Variants in CALCRL observed in about 807,000 individuals in gnomAD.
The protein encoded by CALCRL is calcitonin receptor like receptor, also known as calcitonin gene-related peptide type 1 receptor.
Under a neutral mutation model 60.4 loss-of-function variants are expected in CALCRL, and 27 were observed. The observed-to-expected ratio is 0.45, with a 90% CI of 0.33 to 0.62. CALCRL has a LOEUF of 0.62. CALCRL is among the 20% of genes least tolerant of loss of function. The pLI is 0.03. For missense variants in CALCRL, 424 were observed against 540.7 expected (o/e 0.78, Z 2.14); for synonymous variants, 190 against 182.6 (o/e 1.04, Z -0.33).
chr2:187,365,167 G>C (rs1201876470), intron 8 of CALCRL, among the ~76,000 whole-genome samples: 2 of 152,164 alleles, frequency 1.3e-5, no homozygotes, highest in Non-Finnish European at 2.9e-5. Context: ...AAATGCCACA[G>C]CAGTGACATA....
intron 8 of CALCRL, among the ~76,000 whole-genome samples, chr2:187,378,273 T>C (rs1320914577): frequency 6.6e-6 from 1 of 152,068 alleles, no homozygotes; most frequent in African/African-American, 2.4e-5. Context: ...AATTCTATGA[T>C]TATATATATG....
chr2:187,423,912 A>G (rs1690010174), intron 1 of CALCRL, among the ~76,000 whole-genome samples: 1 of 152,030 alleles, frequency 6.6e-6, no homozygotes, highest in African/African-American at 2.4e-5. Context: ...TTCTTTATAG[A>G]TAAGGGGCTC....
chr2:187,401,943 A>AGAAGGAAGGAAGAAAGGAAGAAGG (rs1437378498), intron 1 of CALCRL, among the ~76,000 whole-genome samples: 3 of 151,338 alleles, frequency 2.0e-5, no homozygotes. Flanking sequence ...AATCAAGGAA[A>AGAAGGAAGGAAGAAAGGAAGAAGG]GAAGGAAGGA....
chr2:187,368,840 C>A (rs1216024476), intron 8 of CALCRL, among the ~76,000 whole-genome samples: 1 of 152,098 alleles, frequency 6.6e-6, no homozygotes, highest in Non-Finnish European at 1.5e-5. Context: ...CCCTGTCAAT[C>A]TGAACACTGC....
chr2:187,420,236 A>G (rs138418958), intron 1 of CALCRL, among the ~76,000 whole-genome samples: 135 of 152,268 alleles, frequency 8.9e-4, no homozygotes, highest in African/African-American at 2.8e-3. Flanking sequence ...TGTCTTTCAT[A>G]TCAAGTATTA....
chr2:187,426,247 T>A (rs1227534478), intron 1 of CALCRL, among the ~76,000 whole-genome samples: 2 of 151,426 alleles, frequency 1.3e-5, no homozygotes, highest in African/African-American at 4.8e-5. Flanking sequence ...TTATTATTTT[T>A]TTTTTTTGCA....
At chr2:187,436,716 G>A (rs1003903954) in intron 1 of CALCRL, 6 of 152,144 alleles carry the variant, frequency 3.9e-5, no homozygotes, top group African/African-American at 1.4e-4. Context: ...ATTGTCCATG[G>A]CCATGTAGGC....
At chr2:187,358,187 T>C (rs564381617) in intron 12 of CALCRL, among the ~76,000 whole-genome samples, 1 of 151,446 alleles carries the variant, frequency 6.6e-6, no homozygotes, top group Admixed American at 6.6e-5. Flanking sequence ...CCTGTCTCTA[T>C]AAAAAAAAAT....
At position 187,433,276 on chromosome 2, in the gene CALCRL, CT is replaced by C. The variant is rs1690482483; in HGVS notation, c.-293+14762del. On this transcript the variant is annotated intron_variant, in intron 1 of 14. Coordinates refer to ENST00000392370, the MANE Select transcript of CALCRL (RefSeq NM_005795.6). ...AGCATTATTTTTTTTCTGCATGGTT[CT>C]TTTTTCATCCCAGCCAAAAATGCTA... Among the ~76,000 whole-genome samples the C allele has an allele frequency of 2.0e-5, 3 of 151,968 alleles. No individual in the cohort carries two copies. The South Asian group carries it at 6.2e-4, about 32-fold the overall frequency.
At chr2:187,422,694 T>C (rs552022566) in intron 1 of CALCRL, among the ~76,000 whole-genome samples, 58 of 152,122 alleles carry the variant, frequency 3.8e-4, no homozygotes, top group South Asian at 1.2e-3. Context: ...AATCTTGTCT[T>C]TTAGAAATTA....
chr2:187,404,227 A>C (rs1409509067), intron 1 of CALCRL, among the ~76,000 whole-genome samples: 1 of 151,882 alleles, frequency 6.6e-6, no homozygotes, highest in East Asian at 1.9e-4. Flanking sequence ...ACATTTTCCT[A>C]ATGTGACTGT....
Position 187,342,225 on chromosome 2 carries a change from T to C in CALCRL, c.*3959A>G, listed in dbSNP as rs921932719. On this transcript the variant is annotated 3_prime_UTR_variant, in exon 15 of 15. Coordinates refer to ENST00000392370, the MANE Select transcript of CALCRL (RefSeq NM_005795.6). ...ACAGAATGTAAATTAGTGATGTTTA[T>C]AGCTGAAATGAAAGTAGAGATAGAG... 5.9e-5 allele frequency among the ~76,000 whole-genome samples: 9 copies of C among 151,788 alleles called. No individual in the cohort carries two copies. The highest frequency in any genetic ancestry group is 1.3e-4 in the Non-Finnish European group (9 of 67,740).
At chr2:187,421,485 T>C (rs1461402453) in intron 1 of CALCRL, among the ~76,000 whole-genome samples, 1 of 152,180 alleles carries the variant, frequency 6.6e-6, no homozygotes, top group Non-Finnish European at 1.5e-5. Flanking sequence ...CCATTCTTTC[T>C]CTAACAGTCC....
chr2:187,418,878 A>G lies in CALCRL; in HGVS notation c.-293+29161T>C, dbSNP rs188357168. On this transcript the variant is annotated intron_variant, in intron 1 of 14. Coordinates refer to ENST00000392370, the MANE Select transcript of CALCRL (RefSeq NM_005795.6). ...TTTTTTCTTTTTTTTTTTTTTTTAGATGGAGTCTTGCTCTGTCACCAGGCT... is the reference window on the plus strand; with the variant it reads ...TTTTTTCTTTTTTTTTTTTTTTTAGGTGGAGTCTTGCTCTGTCACCAGGCT... 1.0e-3 allele frequency among the ~76,000 whole-genome samples: 123 copies of G among 118,618 alleles called. No individual in the cohort carries two copies. The East Asian group carries it at 0.015, about 15-fold the overall frequency. The allele number at this position is 118,618 out of a possible 152,430, so 77.8% of individuals were successfully genotyped here.
chr2:187,351,647 A>T (rs560066549), intron 14 of CALCRL, among the ~76,000 whole-genome samples: 37 of 151,900 alleles, frequency 2.4e-4, no homozygotes, highest in African/African-American at 8.2e-4. Flanking sequence ...ACTTAATGGG[A>T]CTCAAAGGTA....
chr2:187,401,976 G>A (rs1030557410), intron 1 of CALCRL, among the ~76,000 whole-genome samples: 1 of 151,328 alleles, frequency 6.6e-6, no homozygotes, highest in African/African-American at 2.4e-5. Context: ...GGGAAGGAAG[G>A]AAGAAAGGAA....
chr2:187,431,070 G>A (rs1690385619), intron 1 of CALCRL, among the ~76,000 whole-genome samples: 1 of 152,072 alleles, frequency 6.6e-6, no homozygotes, highest in African/African-American at 2.4e-5. Context: ...CACTGCCAAG[G>A]TGCCAAGGAA....
At chr2:187,431,718 G>C (rs901267387) in intron 1 of CALCRL, among the ~76,000 whole-genome samples, 1 of 151,710 alleles carries the variant, frequency 6.6e-6, no homozygotes, top group East Asian at 1.9e-4. Flanking sequence ...TACAGGCTGG[G>C]GATATGGTAG....
rs1297357448 is a variant in CALCRL, at chr2:187,378,925, T to G, written c.500+15A>C. 6.6e-7 allele frequency: 1 copy of G among 1,507,632 alleles called. No homozygotes were observed. The highest frequency in any genetic ancestry group is 2.3e-5 in the East Asian group (1 of 44,228). 93.4% of individuals were successfully genotyped at this position (1,507,632 alleles called of 1,614,324 possible). ...ACATCTAGTAATTTTCTTAAAATATTTTAAATTTACTTACTTGAAATAAAA... is the reference window on the plus strand; with the variant it reads ...ACATCTAGTAATTTTCTTAAAATATGTTAAATTTACTTACTTGAAATAAAA... On this transcript the variant is annotated intron_variant, in intron 8 of 14. Coordinates refer to ENST00000392370, the MANE Select transcript of CALCRL (RefSeq NM_005795.6).
Sources: gnomAD v4.1 joint callset for allele counts (sites outside exome capture counted in the v4.1 genomes callset) on GRCh38, gnomAD v4.1.1 for gene constraint, MANE v1.5 for transcripts, NCBI Gene and HGNC (gene_info 2026-07-23, HGNC 2026-07-21) for gene names.